Variants in STXBP5L observed in about 807,000 individuals in gnomAD.
STXBP5L encodes the protein syntaxin binding protein 5L.
A neutral mutation model predicts 144.5 loss-of-function variants in STXBP5L; 65 were observed. That is an observed-to-expected ratio of 0.45 (90% CI 0.37 to 0.55). STXBP5L has a LOEUF of 0.55. Among genes scored for constraint, STXBP5L ranks in the 20% least tolerant of loss-of-function variants. The pLI, the probability that STXBP5L is intolerant of heterozygous loss-of-function variation, is 0.00. For synonymous variants in STXBP5L, 505 were observed against 469.6 expected (o/e 1.08, Z -0.97); for missense variants, 1,298 against 1,405.5 (o/e 0.92, Z 1.22).
chr3:121,343,549 G>C (rs139138673), intron 20 of STXBP5L, among the ~76,000 whole-genome samples: 18,307 of 152,122 alleles, frequency 0.12, 1,161 homozygotes, highest in Non-Finnish European at 0.14. Flanking sequence ...CTTCAGCAAA[G>C]TCTCAGGATA....
chr3:121,193,094 A>T (rs1208593813), intron 9 of STXBP5L, among the ~76,000 whole-genome samples: 1 of 143,024 alleles, frequency 7.0e-6, no homozygotes, highest in Non-Finnish European at 1.5e-5. Flanking sequence ...GCTAATATCC[A>T]GAATCTACAA....
intron 19 of STXBP5L, among the ~76,000 whole-genome samples, chr3:121,300,957 G>T (rs1225066980): frequency 6.6e-6 from 1 of 152,170 alleles, no homozygotes; most frequent in African/African-American, 2.4e-5. Context: ...TAGCCTTGTA[G>T]CATAGTTCGA....
intron 20 of STXBP5L, among the ~76,000 whole-genome samples, chr3:121,331,696 T>C (rs1459450870): frequency 6.6e-6 from 1 of 152,172 alleles, no homozygotes; most frequent in East Asian, 1.9e-4. Context: ...CTCCCCAACA[T>C]TGGGTATTGC....
At chr3:121,123,864 T>G (rs1200621116) in intron 7 of STXBP5L, among the ~76,000 whole-genome samples, 1 of 151,776 alleles carries the variant, frequency 6.6e-6, no homozygotes, top group Admixed American at 6.6e-5. Flanking sequence ...ACAGAAGTTT[T>G]TTTATTTTAA....
At chr3:121,195,944 A>G (rs2108190400) in intron 9 of STXBP5L, among the ~76,000 whole-genome samples, 1 of 152,270 alleles carries the variant, frequency 6.6e-6, no homozygotes, top group Admixed American at 6.5e-5. Context: ...ATTCAGTCCC[A>G]CTTAACTTTG....
intron 20 of STXBP5L, among the ~76,000 whole-genome samples, chr3:121,368,962 G>A (rs2045947984): frequency 6.6e-6 from 1 of 152,168 alleles, no homozygotes; most frequent in Non-Finnish European, 1.5e-5. Context: ...CAACAACAAT[G>A]GCTGCCCAGT....
chr3:121,121,827 G>C, intron 7 of STXBP5L, 123 bp downstream of exon 7: 2 of 551,690 alleles, frequency 3.6e-6, no homozygotes, highest in South Asian at 3.7e-5. Context: ...TATGTAAAAT[G>C]AAAATGTGTT....
At chr3:121,214,732 G>A (rs1179023419) in intron 10 of STXBP5L, among the ~76,000 whole-genome samples, 2 of 152,172 alleles carry the variant, frequency 1.3e-5, no homozygotes, top group East Asian at 1.9e-4. Context: ...ACTTGGTCCA[G>A]AGCTGAGTTC....
intron 19 of STXBP5L, among the ~76,000 whole-genome samples, chr3:121,285,174 G>A (rs1008688399): frequency 2.0e-5 from 3 of 151,944 alleles, no homozygotes; most frequent in Admixed American, 1.3e-4. Flanking sequence ...TACTCTGCTA[G>A]TCAGTTTGAC....
At chr3:121,312,993 GT>G (rs1436696608) in intron 19 of STXBP5L, among the ~76,000 whole-genome samples, 2 of 152,168 alleles carry the variant, frequency 1.3e-5, no homozygotes, top group African/African-American at 4.8e-5. Context: ...CCCAGACGGG[GT>G]CATGGCCGGG....
intron 11 of STXBP5L, among the ~76,000 whole-genome samples, chr3:121,229,395 C>G (rs1211904621): frequency 6.6e-6 from 1 of 151,954 alleles, no homozygotes; most frequent in Non-Finnish European, 1.5e-5. Flanking sequence ...ATTAAACACA[C>G]CTTACTTTGG....
intron 3 of STXBP5L, among the ~76,000 whole-genome samples, chr3:120,978,768 G>A (rs1281483491): frequency 2.6e-5 from 4 of 152,202 alleles, no homozygotes; most frequent in Admixed American, 2.0e-4. Context: ...TAACAGATGG[G>A]ACCCTCAGCT....
intron 9 of STXBP5L, among the ~76,000 whole-genome samples, chr3:121,198,543 C>T (rs1360923730): frequency 1.3e-5 from 2 of 152,268 alleles, no homozygotes; most frequent in East Asian, 1.9e-4. Context: ...ATGTTTTAGT[C>T]ATGAAGTCTT....
At chr3:121,022,604 C>T (rs1945641143) in intron 3 of STXBP5L, among the ~76,000 whole-genome samples, 1 of 152,076 alleles carries the variant, frequency 6.6e-6, no homozygotes, top group African/African-American at 2.4e-5. Flanking sequence ...CATAGTTTAG[C>T]ATACACAAAT....
At chr3:121,013,227 T>C (rs987720823) in intron 3 of STXBP5L, among the ~76,000 whole-genome samples, 3 of 152,034 alleles carry the variant, frequency 2.0e-5, no homozygotes, top group Admixed American at 6.6e-5. Flanking sequence ...ATGGGATTGC[T>C]AGGTTAAATG....
chr3:120,963,128 A>G (rs1487929095), intron 3 of STXBP5L, among the ~76,000 whole-genome samples: 1 of 152,204 alleles, frequency 6.6e-6, no homozygotes, highest in Non-Finnish European at 1.5e-5. Flanking sequence ...TTTATTTTGT[A>G]TCCTGAGACT....
chr3:120,975,663 C>T (rs1362058589), intron 3 of STXBP5L, among the ~76,000 whole-genome samples: 100 of 151,518 alleles, frequency 6.6e-4, no homozygotes, highest in East Asian at 3.5e-3. Context: ...CCATTCAGTA[C>T]GATATTGGCT....
chr3:121,199,545 T>C (rs1332231924), intron 9 of STXBP5L, among the ~76,000 whole-genome samples: 1 of 152,238 alleles, frequency 6.6e-6, no homozygotes, highest in East Asian at 1.9e-4. Context: ...AGAGACCGCA[T>C]CCTTGTCTTG....
chr3:121,042,224 G>T (rs1471785606), intron 4 of STXBP5L, among the ~76,000 whole-genome samples: 1 of 151,950 alleles, frequency 6.6e-6, no homozygotes, highest in South Asian at 2.1e-4. Flanking sequence ...AAATACATTT[G>T]TTGGAATAGA....
Sources: allele counts gnomAD v4.1 joint callset (sites outside exome capture counted in the v4.1 genomes callset), GRCh38; gene constraint gnomAD v4.1.1; transcripts MANE v1.5; gene names NCBI Gene and HGNC (gene_info 2026-07-23, HGNC 2026-07-21).